LPP: variants seen among roughly 807,000 people sequenced by gnomAD.
LPP encodes lipoma-preferred partner.
Under a neutral mutation model 60.4 loss-of-function variants are expected in LPP, and 38 were observed. That is an observed-to-expected ratio of 0.63 (90% CI 0.49 to 0.83). The LOEUF (loss-of-function observed/expected upper bound fraction) is 0.83, where lower values mean the gene tolerates loss of function less well. LPP is among the 40% of genes least tolerant of loss of function. LPP has a pLI of 0.00. For synonymous variants in LPP, 328 were observed against 290.8 expected, an observed-to-expected ratio of 1.13 and a Z score of -1.30; for missense variants, 902 against 783.6, an observed-to-expected ratio of 1.15 and a Z score of -1.80.
intron 2 of LPP, among the ~76,000 whole-genome samples, chr3:188,338,304 T>C (rs1057134853): frequency 6.6e-6 from 1 of 152,224 alleles, no homozygotes; most frequent in African/African-American, 2.4e-5. Context: ...TATGTGGTAT[T>C]TGATGACTGG....
Position 188,882,737 on chromosome 3 carries a change from CA to C in LPP, c.*8260del, listed in dbSNP as rs1325586061. Reference sequence around the variant, plus strand: ...CCCTTACAGATTCATTGCTAAGTGCCAATTCTTTTTTTTTCTTTTGAGACGG... The same window carrying C: ...CCCTTACAGATTCATTGCTAAGTGCCATTCTTTTTTTTTCTTTTGAGACGG... On this transcript the variant is annotated 3_prime_UTR_variant, in exon 12 of 12. Coordinates refer to ENST00000617246, the MANE Select transcript of LPP (RefSeq NM_001375462.1). The C allele has an allele frequency of 5.1e-6, 1 of 197,126 alleles. No homozygotes were observed. Among genetic ancestry groups the C allele is most frequent in the African/African-American group, 2.3e-5 (1 of 43,192 alleles). 12.2% of individuals were successfully genotyped at this position (197,126 alleles called of 1,614,324 possible).
chr3:188,765,495 A>G (rs942166069), intron 9 of LPP, among the ~76,000 whole-genome samples: 4 of 152,160 alleles, frequency 2.6e-5, no homozygotes, highest in Non-Finnish European at 4.4e-5. Context: ...AGCCCCTTAC[A>G]TTTTATAATG....
At chr3:188,618,411 T>C (rs1319769799) in intron 7 of LPP, among the ~76,000 whole-genome samples, 1 of 152,230 alleles carries the variant, frequency 6.6e-6, no homozygotes, top group Non-Finnish European at 1.5e-5. Context: ...AAAAACTCTG[T>C]AAGTTGTTCA....
chr3:188,606,363 C>T (rs1251619389), intron 6 of LPP, among the ~76,000 whole-genome samples: 1 of 152,146 alleles, frequency 6.6e-6, no homozygotes, highest in Non-Finnish European at 1.5e-5. Context: ...TATCATTTGT[C>T]TCAAATATAG....
intron 3 of LPP, among the ~76,000 whole-genome samples, chr3:188,373,675 G>T (rs1461980978): frequency 6.6e-6 from 1 of 152,008 alleles, no homozygotes; most frequent in Non-Finnish European, 1.5e-5. Context: ...CACTCTGATG[G>T]TAGTTTCTTT....
At chr3:188,289,664 C>CA (rs1344713160) in intron 2 of LPP, among the ~76,000 whole-genome samples, 1 of 151,766 alleles carries the variant, frequency 6.6e-6, no homozygotes, top group Non-Finnish European at 1.5e-5. Flanking sequence ...TACCACTTGG[C>CA]AAAAAACGAA....
chr3:188,719,035 C>T (rs1335669975), intron 8 of LPP, among the ~76,000 whole-genome samples: 2 of 152,064 alleles, frequency 1.3e-5, no homozygotes, highest in Non-Finnish European at 2.9e-5. Context: ...TAGAGTAAGA[C>T]ATGGCTGCTA....
chr3:188,324,545 A>G (rs1273299953), intron 2 of LPP, among the ~76,000 whole-genome samples: 1 of 152,196 alleles, frequency 6.6e-6, no homozygotes, highest in Non-Finnish European at 1.5e-5. Context: ...TCCTGCTCAG[A>G]GTACATGCTT....
chr3:188,666,768 G>A (rs1202406288), intron 7 of LPP, among the ~76,000 whole-genome samples: 2 of 152,022 alleles, frequency 1.3e-5, no homozygotes, highest in African/African-American at 4.8e-5. Flanking sequence ...CTGCCCTCTG[G>A]GTGCTTACAT....
intron 9 of LPP, among the ~76,000 whole-genome samples, chr3:188,804,606 A>T (rs545163897): frequency 7.0e-4 from 106 of 152,042 alleles, no homozygotes; most frequent in African/African-American, 2.5e-3. Flanking sequence ...GTACCCCCAA[A>T]TATATAAACA....
At chr3:188,378,921 C>G (rs1776080553) in intron 3 of LPP, among the ~76,000 whole-genome samples, 1 of 152,090 alleles carries the variant, frequency 6.6e-6, no homozygotes. Context: ...TGAGTGCCTT[C>G]CATGTGTTAA....
At chr3:188,776,410 CT>C (rs1373152975) in intron 9 of LPP, among the ~76,000 whole-genome samples, 1 of 152,104 alleles carries the variant, frequency 6.6e-6, no homozygotes, top group Non-Finnish European at 1.5e-5. Flanking sequence ...AGAAATCAGC[CT>C]CTTGTTCAGT....
intron 2 of LPP, among the ~76,000 whole-genome samples, chr3:188,268,481 G>A (rs989223314): frequency 6.6e-6 from 1 of 152,228 alleles, no homozygotes; most frequent in African/African-American, 2.4e-5. Flanking sequence ...GAAAACACAA[G>A]TGAGGTACAG....
chr3:188,219,034 T>C (rs918929645), intron 1 of LPP, among the ~76,000 whole-genome samples: 1 of 151,620 alleles, frequency 6.6e-6, no homozygotes, highest in Non-Finnish European at 1.5e-5. Context: ...GATGGGGCAG[T>C]TTTTATACTA....
Position 188,609,254 on chromosome 3 carries a change from A to G in LPP, c.523A>G (p.Thr175Ala). The change falls in exon 7 of 12, where the codon ACC (threonine) becomes GCC (alanine). Residue 175 changes from threonine to alanine, a missense_variant. Coordinates refer to ENST00000617246, the MANE Select transcript of LPP (RefSeq NM_001375462.1). This position sits in a 1 kb window ranked among gnomAD's most constrained non-coding sequence, Gnocchi z 6.9. ...CCCGAACCAACCCCCTCTAACAGCA[A>G]CCAAGAAGTCTACATTGAAACCACA... ...VIPNQPPLTA[T>A]KKSTLKPQPA... 6.2e-7 allele frequency: 1 copy of G among 1,614,036 alleles called. No individual in the cohort carries two copies. Among genetic ancestry groups the G allele is most frequent in the Non-Finnish European group, 8.5e-7 (1 of 1,179,982 alleles).
intron 3 of LPP, among the ~76,000 whole-genome samples, chr3:188,395,262 A>G (rs1301168155): frequency 6.6e-6 from 1 of 152,174 alleles, no homozygotes; most frequent in Non-Finnish European, 1.5e-5. Flanking sequence ...TCTATTGCCC[A>G]GGCTGGAGTG....
chr3:188,534,561 T>A (rs1337025549), intron 6 of LPP, among the ~76,000 whole-genome samples: 1 of 152,218 alleles, frequency 6.6e-6, no homozygotes, highest in Non-Finnish European at 1.5e-5. Flanking sequence ...TCCTTTCTTT[T>A]CTTTTCTGAT....
At chr3:188,787,899 G>A (rs887789542) in intron 9 of LPP, among the ~76,000 whole-genome samples, 5 of 152,164 alleles carry the variant, frequency 3.3e-5, no homozygotes, top group African/African-American at 7.2e-5. Flanking sequence ...CTCCAGATAT[G>A]TATCTATCAT....
chr3:188,603,398 C>G (rs567435808), intron 6 of LPP, among the ~76,000 whole-genome samples: 1 of 150,746 alleles, frequency 6.6e-6, no homozygotes, highest in African/African-American at 2.4e-5. Context: ...TGTTTTATTA[C>G]CTGAGAGAGG....
Sources: gnomAD v4.1 joint callset for allele counts (sites outside exome capture counted in the v4.1 genomes callset) on GRCh38, gnomAD v4.1.1 for gene constraint, Gnocchi (gnomAD v3.1) non-coding constraint, MANE v1.5 for transcripts, NCBI Gene and HGNC (gene_info 2026-07-23, HGNC 2026-07-21) for gene names.